PLAC1: variants seen among roughly 807,000 people sequenced by gnomAD.
PLAC1 encodes the protein placenta associated 1.
For synonymous variants in PLAC1, 68 were observed against 62.1 expected (o/e 1.09, Z -0.44); for missense variants, 136 against 163.2 (o/e 0.83, Z 0.91).
chrX:134,659,778 T>C (rs777751015), upstream of PLAC1, among the ~76,000 whole-genome samples: 1 of 112,317 alleles, frequency 8.9e-6, no homozygotes, highest in East Asian at 2.8e-4. Context: ...ACTGCAATCA[T>C]TTTCCACCAA....
At chrX:134,697,693 C>A (rs1337306974) in intron 2 of PLAC1, among the ~76,000 whole-genome samples, 2 of 111,071 alleles carry the variant, frequency 1.8e-5, no homozygotes, top group Non-Finnish European at 3.8e-5. Context: ...CATGGTGAAA[C>A]CCCATCTCTA....
intron 2 of PLAC1, among the ~76,000 whole-genome samples, chrX:134,704,849 C>A (rs1013328934): frequency 3.9e-5 from 4 of 101,612 alleles, no homozygotes; most frequent in Non-Finnish European, 7.9e-5. Flanking sequence ...AAAAATTAGC[C>A]AGACGTGGTG....
intron 1 of PLAC1, among the ~76,000 whole-genome samples, chrX:134,633,711 A>G (rs1047307629): frequency 8.9e-6 from 1 of 112,062 alleles, no homozygotes; most frequent in African/African-American, 3.2e-5. Context: ...ATTTAGTTGT[A>G]CCAGGGGTCA....
chrX:134,647,701 G>A (rs1002111461), intron 1 of PLAC1, among the ~76,000 whole-genome samples: 3 of 111,320 alleles, frequency 2.7e-5, no homozygotes, highest in East Asian at 5.7e-4. Context: ...TGTGCTTAGT[G>A]TTTAGTTTTC....
At chrX:134,716,767 G>A (rs1471913711) in intron 2 of PLAC1, among the ~76,000 whole-genome samples, 1 of 112,196 alleles carries the variant, frequency 8.9e-6, no homozygotes, top group East Asian at 2.8e-4. Context: ...TGAATGAACT[G>A]GCATAGCGTA....
chrX:134,576,683 T>A (rs2077941059), intron 2 of PLAC1, among the ~76,000 whole-genome samples: 1 of 111,834 alleles, frequency 8.9e-6, no homozygotes, highest in African/African-American at 3.3e-5. Context: ...TCCAATCCAA[T>A]GACTTATGTC....
intron 2 of PLAC1, among the ~76,000 whole-genome samples, chrX:134,663,967 G>T (rs1365218768): frequency 8.9e-6 from 1 of 111,915 alleles, no homozygotes; most frequent in Admixed American, 9.4e-5. Context: ...TTGGGTTCAG[G>T]ATATAAAGAA....
intron 2 of PLAC1, among the ~76,000 whole-genome samples, chrX:134,590,830 C>T (rs957037487): frequency 1.8e-5 from 2 of 110,519 alleles, no homozygotes; most frequent in Non-Finnish European, 3.8e-5. Context: ...TGGTCTCGAA[C>T]TCCTGACCTC....
At chrX:134,592,919 G>A (rs1404986077) in intron 2 of PLAC1, among the ~76,000 whole-genome samples, 4 of 108,909 alleles carry the variant, frequency 3.7e-5, no homozygotes, top group Non-Finnish European at 5.7e-5. Flanking sequence ...GTAGAGACGG[G>A]GGTTTCACTG....
intron 2 of PLAC1, among the ~76,000 whole-genome samples, chrX:134,665,766 C>A (rs1357254196): frequency 9.0e-6 from 1 of 111,092 alleles, no homozygotes; most frequent in African/African-American, 3.3e-5. Flanking sequence ...GGGGAGAAAG[C>A]AGGACCAGGC....
intron 1 of PLAC1, among the ~76,000 whole-genome samples, chrX:134,614,256 T>C (rs1247434498): frequency 9.0e-6 from 1 of 111,708 alleles, no homozygotes; most frequent in Non-Finnish European, 1.9e-5. Flanking sequence ...ATTGCATATA[T>C]ATTTGAGGTG....
intron 1 of PLAC1, among the ~76,000 whole-genome samples, chrX:134,734,192 G>A (rs745533064): frequency 8.9e-6 from 1 of 112,864 alleles, no homozygotes; most frequent in Non-Finnish European, 1.9e-5. Flanking sequence ...TGTGTTGTTA[G>A]GTTGAAGGTT....
intron 2 of PLAC1, among the ~76,000 whole-genome samples, chrX:134,583,907 G>T (rs2077987297): frequency 9.0e-6 from 1 of 110,864 alleles, no homozygotes; most frequent in Non-Finnish European, 1.9e-5. Context: ...GACCCATTGA[G>T]AGGGAGAGGA....
chrX:134,567,509 A>G (rs888952591), intron 2 of PLAC1, among the ~76,000 whole-genome samples: 1 of 111,635 alleles, frequency 9.0e-6, no homozygotes, highest in African/African-American at 3.3e-5. Context: ...TAATCCCAGC[A>G]TTCTAGGAAG....
intron 1 of PLAC1, among the ~76,000 whole-genome samples, chrX:134,622,537 T>G (rs1017351844): frequency 9.0e-6 from 1 of 111,048 alleles, no homozygotes; most frequent in Admixed American, 9.5e-5. Context: ...CTAGAGGAAT[T>G]GCAATTTGGA....
At chrX:134,701,802 G>C (rs2078584174) in intron 2 of PLAC1, among the ~76,000 whole-genome samples, 2 of 112,309 alleles carry the variant, frequency 1.8e-5, no homozygotes, top group Non-Finnish European at 3.8e-5. Flanking sequence ...CAGATCTCTT[G>C]AGGTCAGGAG....
At chrX:134,624,635 C>G (rs1243744981) in intron 1 of PLAC1, among the ~76,000 whole-genome samples, 1 of 111,550 alleles carries the variant, frequency 9.0e-6, no homozygotes, top group South Asian at 3.8e-4. Context: ...CTGATCTTAA[C>G]ACAGGAGTCA....
intron 1 of PLAC1, among the ~76,000 whole-genome samples, chrX:134,740,209 CG>C (rs1236940354): frequency 5.6e-5 from 6 of 107,899 alleles, no homozygotes; most frequent in Non-Finnish European, 9.6e-5. Context: ...CCCAGCTACT[CG>C]GGAGGCTGAG....
intron 2 of PLAC1, among the ~76,000 whole-genome samples, chrX:134,705,015 T>C (rs2078598797): frequency 1.0e-5 from 1 of 98,423 alleles, no homozygotes; most frequent in South Asian, 4.3e-4. Context: ...TATATATATA[T>C]ATATATACAC....
Sources: gnomAD v4.1 joint callset for allele counts (sites outside exome capture counted in the v4.1 genomes callset) on GRCh38, gnomAD v4.1.1 for gene constraint, MANE v1.5 for transcripts, NCBI Gene and HGNC (gene_info 2026-07-23, HGNC 2026-07-21) for gene names.